The following SCNN1B variants were observed in gnomAD, a reference collection of about 807,000 sequenced individuals.
SCNN1B encodes the protein epithelial sodium channel subunit beta.
In SCNN1B, 46 loss-of-function variants were observed where a neutral mutation model predicts 65.3. The observed-to-expected ratio is 0.70, with a 90% CI of 0.56 to 0.90. The LOEUF (loss-of-function observed/expected upper bound fraction) is 0.90, where lower values mean the gene tolerates loss of function less well. Among genes scored for constraint, SCNN1B ranks in the 40% least tolerant of loss-of-function variants. SCNN1B has a pLI of 0.00. For synonymous variants in SCNN1B, 349 were observed against 330.6 expected (o/e 1.06, Z -0.60); for missense variants, 751 against 830.5 (o/e 0.90, Z 1.18).
At chr16:23,327,780 G>A (rs1254942279) in intron 1 of SCNN1B, among the ~76,000 whole-genome samples, 3 of 152,162 alleles carry the variant, frequency 2.0e-5, no homozygotes, top group Non-Finnish European at 4.4e-5. Flanking sequence ...GACAAACCAG[G>A]AGCCCTTCTG....
rs1411877222 is a variant in SCNN1B, at chr16:23,340,962, G to A, written c.-8-7630G>A. Among the ~76,000 whole-genome samples the A allele has an allele frequency of 3.9e-5, 6 of 151,970 alleles. No homozygotes were observed. The East Asian group carries it at 1.2e-3, about 29-fold the overall frequency. On this transcript the variant is annotated intron_variant, in intron 1 of 12. Transcript: ENST00000343070. ...TGTCTGATTTTGTTTTGTTTTTGCT[G>A]TTTTAGTTCTTTTGCTTTTCCATAC...
At chr16:23,329,308 G>T (rs562723086) in intron 1 of SCNN1B, among the ~76,000 whole-genome samples, 1 of 150,828 alleles carries the variant, frequency 6.6e-6, no homozygotes, top group Admixed American at 6.6e-5. Flanking sequence ...CACCAACATG[G>T]TTTCACTGTA....
At chr16:23,342,792 T>A (rs1214745462) in intron 1 of SCNN1B, among the ~76,000 whole-genome samples, 1 of 152,082 alleles carries the variant, frequency 6.6e-6, no homozygotes, top group Non-Finnish European at 1.5e-5. Flanking sequence ...ATATGAAACA[T>A]CCAAAACAGG....
At chr16:23,340,678 G>A (rs1468821833) in intron 1 of SCNN1B, among the ~76,000 whole-genome samples, 1 of 151,954 alleles carries the variant, frequency 6.6e-6, no homozygotes, top group African/African-American at 2.4e-5. Context: ...TTACAGGTGT[G>A]AGCCACCATG....
In SCNN1B at chr16:23,352,655, C is replaced by A. The variant is rs1026301725; in HGVS notation, c.312-146C>A. On this transcript the variant is annotated intron_variant, in intron 2 of 12. Transcript: ENST00000343070. ...CATGTAGAACTGTGAGTCAATTATA[C>A]CTCTTCTGTTTATAAATTACCCAGT... 11 of 897,482 alleles carry A rather than the reference C, an allele frequency of 1.2e-5. No individual in the cohort carries two copies. The African/African-American group carries it at 1.3e-4, about 11-fold the overall frequency. 55.6% of individuals were successfully genotyped at this position (897,482 alleles called of 1,614,324 possible). A position where few individuals can be genotyped will look rare whatever the true frequency, so the allele number is the denominator to read the frequency against.
At chr16:23,352,643 G>T (rs1431827911) in intron 2 of SCNN1B, among the ~76,000 whole-genome samples, 158 bp from the exon 3 acceptor site, 2 of 152,176 alleles carry the variant, frequency 1.3e-5, no homozygotes, top group Non-Finnish European at 2.9e-5. Flanking sequence ...GTAGAACTGT[G>T]AGTCAATTAT....
At chr16:23,344,474 A>G (rs957960940) in intron 1 of SCNN1B, among the ~76,000 whole-genome samples, 2 of 152,272 alleles carry the variant, frequency 1.3e-5, no homozygotes, top group East Asian at 1.9e-4. Flanking sequence ...GCTAGACTAT[A>G]TAAGGCAGAC....
At chr16:23,340,954 T>C (rs1962043008) in intron 1 of SCNN1B, among the ~76,000 whole-genome samples, 1 of 152,144 alleles carries the variant, frequency 6.6e-6, no homozygotes, top group Non-Finnish European at 1.5e-5. Flanking sequence ...TTTTGTTTTG[T>C]TTTTGCTGTT....
chr16:23,343,586 A>AGAAAGAAAGAAAGAAAGAAAGAAG, intron 1 of SCNN1B, among the ~76,000 whole-genome samples: 1 of 31,044 alleles, frequency 3.2e-5, no homozygotes, highest in East Asian at 9.1e-4. Flanking sequence ...AAAAAGAGAA[A>AGAAAGAAAGAAAGAAAGAAAGAAG]GAAAGAAAGA....
intron 7 of SCNN1B, 80 bp from the exon 8 acceptor site, chr16:23,375,657 TC>T: frequency 9.8e-7 from 1 of 1,020,958 alleles, no homozygotes. Context: ...GCATCACTTC[TC>T]TGGACACCCC....
At chr16:23,330,489 C>A (rs1056660663) in intron 1 of SCNN1B, among the ~76,000 whole-genome samples, 1 of 152,154 alleles carries the variant, frequency 6.6e-6, no homozygotes, top group Non-Finnish European at 1.5e-5. Flanking sequence ...GCTTTCGGAT[C>A]CTGCAGCCTG....
At position 23,381,179 on chromosome 16, in the gene SCNN1B, C is replaced by G. The variant is rs1963045031; in HGVS notation, c.*378C>G. 3.4e-6 allele frequency: 1 copy of G among 297,686 alleles called. No homozygotes were observed. Among genetic ancestry groups the G allele is most frequent in the South Asian group, 4.1e-5 (1 of 24,416 alleles). 18.4% of individuals were successfully genotyped at this position (297,686 alleles called of 1,614,324 possible). A position where few individuals can be genotyped will look rare whatever the true frequency, so the allele number is the denominator to read the frequency against. ...GGTGGGCCATGTGGTTTTCTCCTTC[C>G]TGGCCTTGGCTGGCCTCTGGGGCAG... is the stretch of plus-strand genomic sequence containing the variant. On this transcript the variant is annotated 3_prime_UTR_variant, in exon 13 of 13. Transcript: ENST00000343070.
intron 3 of SCNN1B, 31 bp downstream of exon 3, chr16:23,353,105 T>C (rs1325624443): frequency 6.2e-7 from 1 of 1,613,144 alleles, no homozygotes; most frequent in Non-Finnish European, 8.5e-7. Context: ...TATCAAGCAA[T>C]GGGCCCCACC....
intron 7 of SCNN1B, among the ~76,000 whole-genome samples, chr16:23,374,886 A>G (rs1298409041): frequency 6.6e-6 from 1 of 151,914 alleles, no homozygotes; most frequent in Non-Finnish European, 1.5e-5. Flanking sequence ...CTGGATAGGC[A>G]ATGAAACACC....
rs1963040263 is a variant in SCNN1B, at chr16:23,380,973, G to A, written c.*172G>A. ...GCAACTGGTCCGTTACTGGCCAAGGGCTCTGTAGAATCACGGTGCTGGTAC... is the reference window on the plus strand; with the variant it reads ...GCAACTGGTCCGTTACTGGCCAAGGACTCTGTAGAATCACGGTGCTGGTAC... On this transcript the variant is annotated 3_prime_UTR_variant, in exon 13 of 13. Transcript: ENST00000343070. The surrounding 1 kb of genome is among the most constrained non-coding windows in gnomAD (Gnocchi z 5.4). 5.4e-6 allele frequency: 4 copies of A among 736,774 alleles called. 1 individual carries two copies. The highest frequency in any genetic ancestry group is 4.5e-5 in the South Asian group (3 of 66,642). The allele number at this position is 736,774 out of a possible 1,614,324, so 45.6% of individuals were successfully genotyped here.
intron 2 of SCNN1B, among the ~76,000 whole-genome samples, 157 bp downstream of exon 2, chr16:23,349,067 A>G (rs1753036350): frequency 7.3e-6 from 1 of 136,718 alleles, no homozygotes; most frequent in Non-Finnish European, 1.6e-5. Flanking sequence ...TCCCTTTATT[A>G]CTTTTCCTTC....
chr16:23,283,734 C>G (rs1048423718), intron 1 of SCNN1B: 2 of 152,194 alleles, frequency 1.3e-5, no homozygotes, highest in Non-Finnish European at 2.9e-5. Context: ...AATGATTCAA[C>G]AGCTGAGAAG....
intron 1 of SCNN1B, among the ~76,000 whole-genome samples, chr16:23,307,000 G>A (rs1961233086): frequency 6.6e-6 from 1 of 152,164 alleles, no homozygotes; most frequent in Non-Finnish European, 1.5e-5. Context: ...TGTGATCTCT[G>A]TTCTACAGAT....
chr16:23,343,491 GAAGGAAGGAAGGAAGGAA>G (rs199959298), intron 1 of SCNN1B, among the ~76,000 whole-genome samples: 18,271 of 118,172 alleles, frequency 0.15, 2,315 homozygotes, highest in Middle Eastern at 0.25. Flanking sequence ...AGGAAGGAAG[GAAGGAAGGAAGGAAGGAA>G]AAGGAAGGAA....
Sources: allele counts gnomAD v4.1 joint callset (sites outside exome capture counted in the v4.1 genomes callset), GRCh38; gene constraint gnomAD v4.1.1; non-coding constraint Gnocchi (gnomAD v3.1); transcripts MANE v1.5; gene names NCBI Gene and HGNC (gene_info 2026-07-23, HGNC 2026-07-21).